Variants in SPAG16 observed in about 807,000 individuals in gnomAD.
The protein encoded by SPAG16 is sperm associated antigen 16, also known as sperm-associated antigen 16 protein.
A neutral mutation model predicts 80.4 loss-of-function variants in SPAG16; 86 were observed. That is an observed-to-expected ratio of 1.07 (90% CI 0.90 to 1.28). SPAG16 has a LOEUF of 1.28. Ranked by LOEUF, SPAG16 falls within the 50% of genes most tolerant of loss-of-function variation. The pLI, the probability that SPAG16 is intolerant of heterozygous loss-of-function variation, is 0.00. For missense variants in SPAG16, 870 were observed against 765.3 expected (o/e 1.14, Z -1.61); for synonymous variants, 294 against 265.9 (o/e 1.11, Z -1.03).
At chr2:214,360,309 AT>A (rs1271195941) in intron 15 of SPAG16, among the ~76,000 whole-genome samples, 1 of 151,918 alleles carries the variant, frequency 6.6e-6, no homozygotes, top group African/African-American at 2.4e-5. Flanking sequence ...TATTTTCTAT[AT>A]TTAAGCAAGT....
intron 13 of SPAG16, among the ~76,000 whole-genome samples, chr2:214,074,327 A>G (rs115107729): frequency 0.015 from 2,247 of 152,342 alleles, 56 homozygotes; most frequent in African/African-American, 0.052. Context: ...GTTTTTATGA[A>G]TGATATAGGA....
intron 12 of SPAG16, among the ~76,000 whole-genome samples, chr2:213,997,261 C>A (rs1312366838): frequency 6.6e-6 from 1 of 152,028 alleles, no homozygotes; most frequent in Non-Finnish European, 1.5e-5. Context: ...AATAGACATA[C>A]CAGGGGCTCA....
intron 10 of SPAG16, among the ~76,000 whole-genome samples, chr2:213,861,479 G>A (rs928210045): frequency 6.6e-6 from 1 of 152,120 alleles, no homozygotes; most frequent in Non-Finnish European, 1.5e-5. Context: ...TGTGATCGCT[G>A]TTTTTTAAAT....
intron 13 of SPAG16, among the ~76,000 whole-genome samples, chr2:214,094,337 T>C (rs2052436428): frequency 6.6e-6 from 1 of 152,092 alleles, no homozygotes; most frequent in African/African-American, 2.4e-5. Context: ...ACATTAAAAT[T>C]TGAGAAGCAC....
At chr2:214,050,702 C>G (rs541226929) in intron 13 of SPAG16, among the ~76,000 whole-genome samples, 1 of 152,088 alleles carries the variant, frequency 6.6e-6, no homozygotes, top group Admixed American at 6.6e-5. Context: ...AATCAAAATT[C>G]CAGATCTATA....
intron 9 of SPAG16, among the ~76,000 whole-genome samples, chr2:213,406,346 C>T (rs1293881908): frequency 6.6e-6 from 1 of 152,064 alleles, no homozygotes; most frequent in Non-Finnish European, 1.5e-5. Context: ...ATTTCACACG[C>T]CAGATCAAAT....
At chr2:213,702,976 T>G (rs958007588) in intron 10 of SPAG16, among the ~76,000 whole-genome samples, 1 of 152,200 alleles carries the variant, frequency 6.6e-6, no homozygotes, top group Admixed American at 6.5e-5. Flanking sequence ...GGGAGGATTA[T>G]ACCTGCCCAC....
chr2:213,329,951 C>T (rs996900960), intron 5 of SPAG16, among the ~76,000 whole-genome samples: 6 of 152,306 alleles, frequency 3.9e-5, no homozygotes, highest in South Asian at 2.1e-4. Context: ...TTCAGAGGAT[C>T]GAAACCCAAA....
chr2:213,560,632 A>G (rs2059571037), intron 10 of SPAG16, among the ~76,000 whole-genome samples: 1 of 152,146 alleles, frequency 6.6e-6, no homozygotes, highest in African/African-American at 2.4e-5. Context: ...TTCTGGTGAT[A>G]TAAGTTGTAT....
chr2:213,393,051 C>T (rs2067845706), intron 9 of SPAG16, among the ~76,000 whole-genome samples: 1 of 151,884 alleles, frequency 6.6e-6, no homozygotes, highest in African/African-American at 2.4e-5. Flanking sequence ...TAAATATATT[C>T]TGCTTACATA....
intron 10 of SPAG16, among the ~76,000 whole-genome samples, chr2:213,595,839 T>G (rs944812100): frequency 3.3e-5 from 5 of 152,072 alleles, no homozygotes. Flanking sequence ...AGATAGCAGT[T>G]TTTTTATTAA....
intron 10 of SPAG16, among the ~76,000 whole-genome samples, chr2:213,738,758 G>A (rs923662615): frequency 9.2e-5 from 14 of 152,072 alleles, no homozygotes; most frequent in African/African-American, 2.2e-4. Context: ...CCAACTCTCC[G>A]TTCTTTTTTA....
At chr2:214,408,079 TTAATA>T (rs1400209351) in intron 15 of SPAG16, among the ~76,000 whole-genome samples, 3 of 152,214 alleles carry the variant, frequency 2.0e-5, no homozygotes, top group Non-Finnish European at 4.4e-5. Flanking sequence ...TGCTGTTGAA[TTAATA>T]TGAGGTTCCA....
Position 214,014,300 on chromosome 2 carries a change from A to G in SPAG16, c.1527+223A>G, listed in dbSNP as rs539935401. On this transcript the variant is annotated intron_variant, in intron 13 of 15. Coordinates refer to ENST00000331683, the MANE Select transcript of SPAG16 (RefSeq NM_024532.5). ...TAATATGATTATCTCATTAAGCATT[A>G]TTTCAACAATTATTTATTGCGATAG... Among the ~76,000 whole-genome samples the G allele has an allele frequency of 1.1e-4, 16 of 152,294 alleles. No individual in the cohort carries two copies. The East Asian group carries it at 3.1e-3, about 29-fold the overall frequency.
chr2:213,789,697 G>C (rs112958441), intron 10 of SPAG16, among the ~76,000 whole-genome samples: 1 of 151,824 alleles, frequency 6.6e-6, no homozygotes, highest in Non-Finnish European at 1.5e-5. Context: ...TGGTTTTCTT[G>C]TATCTCCATT....
At chr2:213,298,812 A>G (rs941168489) in intron 3 of SPAG16, among the ~76,000 whole-genome samples, 3 of 152,158 alleles carry the variant, frequency 2.0e-5, no homozygotes, top group Non-Finnish European at 4.4e-5. Context: ...GCATGTCTGT[A>G]GCTGATTGAC....
chr2:214,207,708 A>G (rs557334549), intron 15 of SPAG16, among the ~76,000 whole-genome samples: 1 of 152,334 alleles, frequency 6.6e-6, no homozygotes, highest in African/African-American at 2.4e-5. Flanking sequence ...GGAGATTAAC[A>G]TTTGAGTCAG....
intron 15 of SPAG16, among the ~76,000 whole-genome samples, chr2:214,217,367 G>A (rs1055064231): frequency 4.6e-5 from 7 of 152,184 alleles, no homozygotes; most frequent in Non-Finnish European, 7.3e-5. Flanking sequence ...AAGCAAGGGA[G>A]AAAAGAAAGG....
intron 10 of SPAG16, among the ~76,000 whole-genome samples, chr2:213,774,863 A>C (rs977353302): frequency 6.6e-6 from 1 of 152,194 alleles, no homozygotes; most frequent in African/African-American, 2.4e-5. Context: ...CAAATGGTCT[A>C]AAAGCAGAAT....
Sources: gnomAD v4.1 joint callset for allele counts (sites outside exome capture counted in the v4.1 genomes callset) on GRCh38, gnomAD v4.1.1 for gene constraint, MANE v1.5 for transcripts, NCBI Gene and HGNC (gene_info 2026-07-23, HGNC 2026-07-21) for gene names.